IL15: variants seen among roughly 807,000 people sequenced by gnomAD.
IL15 encodes interleukin 15, also known as interleukin-15.
Under a neutral mutation model 19.6 loss-of-function variants are expected in IL15, and 11 were observed. The ratio of observed to expected loss-of-function variants is 0.56; its 90% CI spans 0.35 to 0.93. The LOEUF (loss-of-function observed/expected upper bound fraction) is 0.93. Among genes scored for constraint, IL15 ranks in the 40% least tolerant of loss-of-function variants. The probability of loss-of-function intolerance (pLI) is 0.01; values close to 1 mark genes in which losing one functional copy is unlikely to be tolerated. For synonymous variants in IL15, 58 were observed against 59.6 expected (o/e 0.97, Z 0.12); for missense variants, 197 against 186.5 (o/e 1.06, Z -0.33).
intron 2 of IL15, among the ~76,000 whole-genome samples, chr4:141,677,834 C>G (rs1728397677): frequency 6.6e-6 from 1 of 152,150 alleles, no homozygotes; most frequent in Non-Finnish European, 1.5e-5. Context: ...TGCCATGTAA[C>G]ATGAAACAAT....
At position 141,720,478 on chromosome 4, in the gene IL15, T is replaced by G. The variant is rs768693821; in HGVS notation, c.22T>G (p.Leu8Val). Residue 8 changes from leucine to valine, a missense_variant, in exon 4 of 8, where the codon TTG becomes GTG. Coordinates refer to ENST00000320650, the MANE Select transcript of IL15 (RefSeq NM_000585.5). ...TGATTATATTTTTCAGAAACCACAT[T>G]TGAGAAGTATTTCCATCCAGTGCTA... MRISKPHLRSISIQCYLC... is the reference protein window; with the variant it reads MRISKPHVRSISIQCYLC... 10 of 1,566,696 alleles carry G rather than the reference T, an allele frequency of 6.4e-6. No homozygotes were observed. In the Admixed American group the frequency reaches 1.0e-4, roughly 16 times the overall value.
chr4:141,650,517 T>C (rs372225890), intron 1 of IL15, among the ~76,000 whole-genome samples: 1 of 152,088 alleles, frequency 6.6e-6, no homozygotes, highest in East Asian at 1.9e-4. Context: ...CTTTGTGCTA[T>C]GGTAACTGAA....
rs566685651 is a variant in IL15 at position 141,684,643 on chromosome 4, A to G, written c.-100+28336A>G. Among the ~76,000 whole-genome samples the G allele has an allele frequency of 9.1e-4, 138 of 152,330 alleles. 1 individual carries two copies. The highest frequency in any genetic ancestry group is 3.3e-3 in the African/African-American group (136 of 41,580). ...CTATTATTATTTATGCTAGGTCTAT[A>G]TTAGCTTGGAATATCCTCCTTCTTT... On this transcript the variant is annotated intron_variant, in intron 2 of 7. Coordinates refer to ENST00000320650, the MANE Select transcript of IL15 (RefSeq NM_000585.5).
At chr4:141,654,659 A>T (rs1043127050) in intron 1 of IL15, among the ~76,000 whole-genome samples, 2 of 152,174 alleles carry the variant, frequency 1.3e-5, no homozygotes, top group Non-Finnish European at 2.9e-5. Context: ...TATGATGTGG[A>T]TAGATAAGCT....
chr4:141,716,976 G>T (rs374276767), intron 2 of IL15: 1 of 151,972 alleles, frequency 6.6e-6, no homozygotes, highest in Non-Finnish European at 1.5e-5. Context: ...CTATACCTTC[G>T]CACATTGTAT....
chr4:141,645,408 G>T (rs1470352792), intron 1 of IL15, among the ~76,000 whole-genome samples: 1 of 152,096 alleles, frequency 6.6e-6, no homozygotes, highest in Non-Finnish European at 1.5e-5. Flanking sequence ...GCCTGGATTT[G>T]ATCTTTGCCC....
At chr4:141,728,009 G>T in intron 6 of IL15, 25 bp downstream of exon 6, 1 of 1,125,592 alleles carries the variant, frequency 8.9e-7, no homozygotes. Flanking sequence ...TTTCAAAATT[G>T]CTATTTGTCT....
At chr4:141,684,845 A>T (rs1728658793) in intron 2 of IL15, among the ~76,000 whole-genome samples, 1 of 152,222 alleles carries the variant, frequency 6.6e-6, no homozygotes, top group Admixed American at 6.5e-5. Context: ...TCACCTAAAC[A>T]TGAATTTTTA....
In IL15 at chr4:141,732,792, A is replaced by G; in HGVS notation, c.433A>G (p.Lys145Glu). 6.2e-7 allele frequency: 1 copy of G among 1,612,998 alleles called. No homozygotes were observed. The highest frequency in any genetic ancestry group is 1.7e-4 in the Middle Eastern group (1 of 6,050). ...TGAGGAACTGGAGGAAAAAAATATTAAAGAATTTTTGCAGAGTTTTGTACA... is the reference window on the plus strand; with the variant it reads ...TGAGGAACTGGAGGAAAAAAATATTGAAGAATTTTTGCAGAGTTTTGTACA... The part of the protein sequence containing the change: ...ECEELEEKNI[K>E]EFLQSFVHIV... Residue 145 changes from lysine to glutamate, a missense_variant, in exon 8 of 8, where the codon AAA becomes GAA. Transcript: ENST00000320650.
intron 2 of IL15, among the ~76,000 whole-genome samples, chr4:141,700,314 G>A (rs1729240583): frequency 6.6e-6 from 1 of 152,120 alleles, no homozygotes. Context: ...GTGCTGGGTT[G>A]GTAGGGGCAA....
At chr4:141,732,201 C>T (rs958834503) in intron 7 of IL15, among the ~76,000 whole-genome samples, 1 of 152,108 alleles carries the variant, frequency 6.6e-6, no homozygotes, top group Non-Finnish European at 1.5e-5. Context: ...AGAGAAGCCT[C>T]CCTAAAAGAG....
intron 7 of IL15, 55 bp downstream of exon 7, chr4:141,730,039 G>T: frequency 7.1e-7 from 1 of 1,408,930 alleles, no homozygotes; most frequent in Non-Finnish European, 1.0e-6. Flanking sequence ...GCCTGATTTG[G>T]AGAAGTCATT....
Position 141,727,980 on chromosome 4 carries a change from T to C in IL15, c.236T>C (p.Val79Ala). ...GCTACTTTATATACGGAAAGTGATG[T>C]TCACGTGAGTATACTTTTTTTCAAA... is the stretch of plus-strand genomic sequence containing the variant. ...IDATLYTESD[V>A]HPSCKVTAMK... Residue 79 changes from valine to alanine, a missense_variant, in exon 6 of 8, where the codon GTT becomes GCT. Val to Ala is a moderately conservative substitution (Grantham distance 64, BLOSUM62 0). Transcript: ENST00000320650. The C allele has an allele frequency of 7.5e-7, 1 of 1,341,942 alleles. No homozygotes were observed. The highest frequency in any genetic ancestry group is 1.0e-6 in the Non-Finnish European group (1 of 952,974). 83.1% of individuals were successfully genotyped at this position (1,341,942 alleles called of 1,614,324 possible).
At chr4:141,722,102 TG>T in intron 5 of IL15, 94 bp downstream of exon 5, 1 of 1,347,786 alleles carries the variant, frequency 7.4e-7, no homozygotes, top group Non-Finnish European at 9.7e-7. Flanking sequence ...AAACCACACT[TG>T]AAACAATAAT....
chr4:141,727,949 A>G lies in IL15; in HGVS notation c.205A>G (p.Ile69Val), dbSNP rs1560940693. Reference sequence around the variant, plus strand: ...TTTTGTTTCCTTTCAGTCTATGCATATTGATGCTACTTTATATACGGAAAG... The same window carrying G: ...TTTTGTTTCCTTTCAGTCTATGCATGTTGATGCTACTTTATATACGGAAAG... ...KIEDLIQSMH[I>V]DATLYTESDV... The change falls in exon 6 of 8, where the codon ATT (isoleucine) becomes GTT (valine). Residue 69 changes from isoleucine (I) to valine (V), a missense_variant. Ile to Val is a conservative substitution (Grantham distance 29). Transcript: ENST00000320650. 7.6e-7 allele frequency: 1 copy of G among 1,323,694 alleles called. No homozygotes were observed. The highest frequency in any genetic ancestry group is 1.1e-6 in the Non-Finnish European group (1 of 936,072). 82.0% of individuals were successfully genotyped at this position (1,323,694 alleles called of 1,614,324 possible). A position where few individuals can be genotyped will look rare whatever the true frequency, so the allele number is the denominator to read the frequency against.
intron 2 of IL15, chr4:141,716,792 T>G (rs1729901716): frequency 6.6e-6 from 1 of 152,290 alleles, no homozygotes; most frequent in African/African-American, 2.4e-5. Context: ...GCCTGAGGCC[T>G]TAGGGGTCCA....
intron 1 of IL15, chr4:141,637,148 G>T (rs1299278221): frequency 6.6e-6 from 1 of 152,272 alleles, no homozygotes; most frequent in African/African-American, 2.4e-5. Flanking sequence ...CAAGCTGCGG[G>T]TTTCTGAGAA....
intron 2 of IL15, among the ~76,000 whole-genome samples, chr4:141,712,460 T>C (rs1450422013): frequency 6.6e-6 from 1 of 151,914 alleles, no homozygotes; most frequent in African/African-American, 2.4e-5. Flanking sequence ...CCCATGAACA[T>C]AGTGCTACAG....
intron 4 of IL15, chr4:141,721,111 TCTGA>T (rs772349772): frequency 1.9e-5 from 29 of 1,521,488 alleles, no homozygotes; most frequent in Non-Finnish European, 2.6e-5. Context: ...AGTTATATAA[TCTGA>T]CTCTCAGTTC....
Sources: gnomAD v4.1 joint callset for allele counts (sites outside exome capture counted in the v4.1 genomes callset) on GRCh38, gnomAD v4.1.1 for gene constraint, MANE v1.5 for transcripts, NCBI Gene and HGNC (gene_info 2026-07-23, HGNC 2026-07-21) for gene names.